SNX31: variants seen among roughly 807,000 people sequenced by gnomAD.
SNX31 encodes sorting nexin 31, also known as sorting nexin-31.
A neutral mutation model predicts 65.4 loss-of-function variants in SNX31; 58 were observed. The ratio of observed to expected loss-of-function variants is 0.89; its 90% CI spans 0.72 to 1.10. The LOEUF (loss-of-function observed/expected upper bound fraction) is 1.10, where lower values mean the gene tolerates loss of function less well. Among genes scored for constraint, SNX31 ranks in the 50% least tolerant of loss-of-function variants. The pLI, the probability that SNX31 is intolerant of heterozygous loss-of-function variation, is 0.00. For synonymous variants in SNX31, 181 were observed against 190.1 expected, an observed-to-expected ratio of 0.95 and a Z score of 0.39; for missense variants, 523 against 529.7, an observed-to-expected ratio of 0.99 and a Z score of 0.12.
At chr8:100,583,113 T>TC (rs1233525418) in intron 12 of SNX31, among the ~76,000 whole-genome samples, 2 of 132,206 alleles carry the variant, frequency 1.5e-5, no homozygotes, top group African/African-American at 7.0e-5. Flanking sequence ...TCTTTCTTTC[T>TC]TTTTTTTTTT....
intron 8 of SNX31, among the ~76,000 whole-genome samples, chr8:100,603,976 ACT>A (rs1815906343): frequency 6.6e-6 from 1 of 151,550 alleles, no homozygotes; most frequent in African/African-American, 2.4e-5. Context: ...AATCTCAGGT[ACT>A]CTGCCCACCT....
chr8:100,641,033 G>T (rs12544449), intron 2 of SNX31, among the ~76,000 whole-genome samples: 1 of 151,812 alleles, frequency 6.6e-6, no homozygotes, highest in Non-Finnish European at 1.5e-5. Context: ...GGAAACTGTG[G>T]ATTATATGGA....
intron 9 of SNX31, among the ~76,000 whole-genome samples, chr8:100,599,148 T>G (rs1815378400): frequency 6.6e-6 from 1 of 152,372 alleles, no homozygotes; most frequent in Non-Finnish European, 1.5e-5. Flanking sequence ...ATTCAATTTA[T>G]GTACTCAAAG....
intron 4 of SNX31, among the ~76,000 whole-genome samples, chr8:100,624,468 T>C (rs1393452369): frequency 6.6e-6 from 1 of 152,216 alleles, no homozygotes; most frequent in Non-Finnish European, 1.5e-5. Context: ...ATTCCATCCA[T>C]GATGTCTATT....
intron 8 of SNX31, among the ~76,000 whole-genome samples, chr8:100,601,585 T>G (rs1815630329): frequency 6.6e-6 from 1 of 152,204 alleles, no homozygotes; most frequent in African/African-American, 2.4e-5. Context: ...TTTTGAACTC[T>G]TCCACATTTG....
rs563835109 is a variant in SNX31 at position 100,622,978 on chromosome 8, C to T, written c.322-5248G>A. On this transcript the variant is annotated intron_variant, in intron 4 of 13. Coordinates refer to ENST00000311812, the MANE Select transcript of SNX31 (RefSeq NM_152628.4). This position sits in a 1 kb window ranked among gnomAD's most constrained non-coding sequence, Gnocchi z 5.0. ...TCAGTTGGCAGCTGCACTCACCTTC[C>T]TTCCACCTTCTATCACACCCTACTG... Among the ~76,000 whole-genome samples the T allele has an allele frequency of 4.4e-4, 67 of 152,344 alleles. No individual in the cohort carries two copies. Among genetic ancestry groups the T allele is most frequent in the Non-Finnish European group, 7.9e-4 (54 of 68,038 alleles).
chr8:100,619,620 G>A (rs1483355742), intron 4 of SNX31, among the ~76,000 whole-genome samples: 1 of 152,232 alleles, frequency 6.6e-6, no homozygotes, highest in Non-Finnish European at 1.5e-5. Context: ...TGCCCACATG[G>A]GGCCTTGCAG....
At chr8:100,639,654 G>A (rs1819019304) in intron 2 of SNX31, among the ~76,000 whole-genome samples, 1 of 148,430 alleles carries the variant, frequency 6.7e-6, no homozygotes, top group Non-Finnish European at 1.5e-5. Flanking sequence ...ATTTATTCAT[G>A]TGTCTGTATA....
chr8:100,597,312 G>T (rs141083987), intron 9 of SNX31, among the ~76,000 whole-genome samples: 6,535 of 151,978 alleles, frequency 0.043, 478 homozygotes, highest in African/African-American at 0.15. Context: ...CACGATCTCG[G>T]CTCACTGCAA....
At position 100,576,532 on chromosome 8, in the gene SNX31, A is replaced by T. The variant is rs1563505483; in HGVS notation, c.1227+487T>A. Reference sequence around the variant, plus strand: ...TGTGAAGGAATGTGTTAATTCACATAAAAGTGCTTAGAATACTGCCTGGCA... The same window carrying T: ...TGTGAAGGAATGTGTTAATTCACATTAAAGTGCTTAGAATACTGCCTGGCA... On this transcript the variant is annotated intron_variant, in intron 13 of 13. Transcript: ENST00000311812. This position sits in a 1 kb window ranked among gnomAD's most constrained non-coding sequence, Gnocchi z 4.8. 6.6e-6 allele frequency among the ~76,000 whole-genome samples: 1 copy of T among 152,226 alleles called. No individual in the cohort carries two copies. The highest frequency in any genetic ancestry group is 6.5e-5 in the Admixed American group (1 of 15,276).
At chr8:100,585,542 AC>A (rs1813968971) in intron 11 of SNX31, among the ~76,000 whole-genome samples, 1 of 152,146 alleles carries the variant, frequency 6.6e-6, no homozygotes, top group Non-Finnish European at 1.5e-5. Context: ...GTAGAGCATT[AC>A]AGGAATTAAT....
chr8:100,637,321 C>T (rs1409831177), intron 2 of SNX31, among the ~76,000 whole-genome samples: 1 of 152,152 alleles, frequency 6.6e-6, no homozygotes, highest in Non-Finnish European at 1.5e-5. Flanking sequence ...CTCAGAAACC[C>T]AATCAGGTTT....
chr8:100,613,205 G>A lies in SNX31; in HGVS notation c.433-120C>T, dbSNP rs1188413020. ...CAATAAAAAATGCTGTCATGGGTTA[G>A]TGAACACTCAAAGAAAGCTTTTTGG... is the stretch of plus-strand genomic sequence containing the variant. On this transcript the variant is annotated intron_variant, in intron 5 of 13. Transcript: ENST00000311812. This position sits in a 1 kb window ranked among gnomAD's most constrained non-coding sequence, Gnocchi z 5.2. The A allele has an allele frequency of 1.4e-6, 1 of 722,194 alleles. No homozygotes were observed. Among genetic ancestry groups the A allele is most frequent in the Non-Finnish European group, 2.4e-6 (1 of 422,906 alleles). The allele number at this position is 722,194 out of a possible 1,614,324, so 44.7% of individuals were successfully genotyped here. A position where few individuals can be genotyped will look rare whatever the true frequency, so the allele number is the denominator to read the frequency against.
intron 8 of SNX31, among the ~76,000 whole-genome samples, chr8:100,605,322 A>T (rs1816047380): frequency 6.6e-6 from 1 of 152,158 alleles, no homozygotes; most frequent in African/African-American, 2.4e-5. Flanking sequence ...TCTTCTGGGG[A>T]GAGCCAAGGC....
At chr8:100,640,095 T>A (rs1006828161) in intron 2 of SNX31, among the ~76,000 whole-genome samples, 3 of 151,746 alleles carry the variant, frequency 2.0e-5, no homozygotes, top group African/African-American at 7.3e-5. Flanking sequence ...ACAAATCTCT[T>A]GTGCAGAAGA....
At chr8:100,597,247 C>CTTT (rs554273418) in intron 9 of SNX31, among the ~76,000 whole-genome samples, 1 of 145,010 alleles carries the variant, frequency 6.9e-6, no homozygotes, top group East Asian at 2.0e-4. Context: ...TGTACATTGG[C>CTTT]TTTTTTTTTT....
chr8:100,626,308 T>C lies in SNX31; in HGVS notation c.321+4019A>G, dbSNP rs1165711546. 6.6e-6 allele frequency among the ~76,000 whole-genome samples: 1 copy of C among 152,144 alleles called. No individual in the cohort carries two copies. On this transcript the variant is annotated intron_variant, in intron 4 of 13. Coordinates refer to ENST00000311812, the MANE Select transcript of SNX31 (RefSeq NM_152628.4). The surrounding 1 kb of genome is among the most constrained non-coding windows in gnomAD (Gnocchi z 4.4). ...GAAACTGAGGTACAAAAAGCCTAAG[T>C]AAATTGACCCAAGTCATATAAATCA... is the stretch of plus-strand genomic sequence containing the variant.
At chr8:100,581,299 T>A (rs930235965) in intron 12 of SNX31, among the ~76,000 whole-genome samples, 4 of 136,128 alleles carry the variant, frequency 2.9e-5, no homozygotes, top group African/African-American at 1.4e-4. Flanking sequence ...ACCCTGTCTT[T>A]AAAAAAATTT....
chr8:100,591,019 A>G (rs1406830124), intron 10 of SNX31, among the ~76,000 whole-genome samples: 2 of 152,166 alleles, frequency 1.3e-5, no homozygotes, highest in Non-Finnish European at 2.9e-5. Context: ...CAAAAGTTTC[A>G]AGAAGTTGAG....
Sources: allele counts gnomAD v4.1 joint callset (sites outside exome capture counted in the v4.1 genomes callset), GRCh38; gene constraint gnomAD v4.1.1; non-coding constraint Gnocchi (gnomAD v3.1); transcripts MANE v1.5; gene names NCBI Gene and HGNC (gene_info 2026-07-23, HGNC 2026-07-21).